RAB3C: variants seen among roughly 807,000 people sequenced by gnomAD.
RAB3C encodes RAB3C, member RAS oncogene family.
In RAB3C, 17 loss-of-function variants were observed where a neutral mutation model predicts 26.4. The observed-to-expected ratio is 0.64, with a 90% CI of 0.44 to 0.97. RAB3C has a LOEUF of 0.97. RAB3C is among the 50% of genes least tolerant of loss of function. RAB3C has a pLI of 0.00. For synonymous variants in RAB3C, 91 were observed against 95.9 expected (o/e 0.95, Z 0.30); for missense variants, 242 against 281.9 (o/e 0.86, Z 1.01).
chr5:58,706,585 TATC>T (rs1356488661), intron 2 of RAB3C, among the ~76,000 whole-genome samples: 1 of 152,172 alleles, frequency 6.6e-6, no homozygotes, highest in East Asian at 1.9e-4. Flanking sequence ...TGCAGTAACT[TATC>T]TACTTATTTG....
At chr5:58,647,220 C>T (rs922178402) in intron 2 of RAB3C, among the ~76,000 whole-genome samples, 2 of 152,210 alleles carry the variant, frequency 1.3e-5, no homozygotes, top group African/African-American at 4.8e-5. Context: ...TAAAGAACTT[C>T]CCAACACTGG....
rs551210744 is a variant in RAB3C at position 58,626,580 on chromosome 5, C to T, written c.252+8710C>T. On this transcript the variant is annotated intron_variant, in intron 2 of 4. Coordinates refer to ENST00000282878, the MANE Select transcript of RAB3C (RefSeq NM_138453.4). ...CTGTAAGATTTGTGGATATTATGAC[C>T]TTGGACAAGTTAATTAACTTCTCCA... Among the ~76,000 whole-genome samples, 27 of 152,234 alleles carry T rather than the reference C, an allele frequency of 1.8e-4. No homozygotes were observed. In the South Asian group the frequency reaches 4.2e-3, roughly 23 times the overall value.
chr5:58,664,637 G>T (rs895130400), intron 2 of RAB3C, among the ~76,000 whole-genome samples: 1 of 152,158 alleles, frequency 6.6e-6, no homozygotes, highest in South Asian at 2.1e-4. Flanking sequence ...GACACTAGGT[G>T]AGGGGTACAC....
chr5:58,841,741 T>A (rs1434526585), intron 4 of RAB3C, among the ~76,000 whole-genome samples: 2 of 152,110 alleles, frequency 1.3e-5, no homozygotes, highest in Non-Finnish European at 2.9e-5. Flanking sequence ...GGAAAGTCCT[T>A]CCTAACTCCA....
At chr5:58,812,901 G>A (rs146357885) in intron 3 of RAB3C, among the ~76,000 whole-genome samples, 17 of 152,286 alleles carry the variant, frequency 1.1e-4, no homozygotes, top group African/African-American at 4.1e-4. Context: ...GCAGGAAAAT[G>A]TATAGGTTTC....
At chr5:58,650,389 G>T (rs563021535) in intron 2 of RAB3C, among the ~76,000 whole-genome samples, 1 of 152,076 alleles carries the variant, frequency 6.6e-6, no homozygotes, top group Non-Finnish European at 1.5e-5. Context: ...GAGAGAGAAG[G>T]CTAGCATACA....
At chr5:58,761,317 C>A (rs901111096) in intron 3 of RAB3C, among the ~76,000 whole-genome samples, 5 of 152,080 alleles carry the variant, frequency 3.3e-5, no homozygotes, top group Non-Finnish European at 7.4e-5. Context: ...CTATTAATGA[C>A]TTTTTACCTG....
chr5:58,600,758 G>A (rs1439836660), intron 1 of RAB3C, among the ~76,000 whole-genome samples: 2 of 151,918 alleles, frequency 1.3e-5, no homozygotes, highest in African/African-American at 4.8e-5. Flanking sequence ...GAGTCTTTAG[G>A]GTTTTCAAGG....
intron 3 of RAB3C, among the ~76,000 whole-genome samples, chr5:58,811,805 G>A (rs1249765927): frequency 1.3e-5 from 2 of 149,588 alleles, no homozygotes; most frequent in Admixed American, 1.3e-4. Flanking sequence ...TCCCTCCACT[G>A]CACCACAGGT....
chr5:58,818,637 C>T (rs1455675198), intron 3 of RAB3C, among the ~76,000 whole-genome samples: 1 of 152,170 alleles, frequency 6.6e-6, no homozygotes, highest in Admixed American at 6.5e-5. Context: ...CTTCTGATTC[C>T]ATTAATCTTG....
intron 3 of RAB3C, among the ~76,000 whole-genome samples, chr5:58,743,012 A>C (rs1260864236): frequency 1.3e-5 from 2 of 152,270 alleles, no homozygotes; most frequent in East Asian, 1.9e-4. Context: ...TGAGAAGGAA[A>C]AGTGGCACCA....
chr5:58,703,158 A>T (rs890154763), intron 2 of RAB3C, among the ~76,000 whole-genome samples: 3 of 152,098 alleles, frequency 2.0e-5, no homozygotes, highest in Non-Finnish European at 4.4e-5. Context: ...CTCCTGATGA[A>T]TAAGATCTTG....
At chr5:58,828,667 A>T (rs1370868149) in intron 4 of RAB3C, among the ~76,000 whole-genome samples, 2 of 152,204 alleles carry the variant, frequency 1.3e-5, no homozygotes, top group Admixed American at 1.3e-4. Flanking sequence ...TCTGCAGCTG[A>T]ATTGGCTGGG....
chr5:58,598,206 C>T (rs13187148), intron 1 of RAB3C, among the ~76,000 whole-genome samples: 393 of 21,934 alleles, frequency 0.018, 102 homozygotes, highest in Non-Finnish European at 0.027. Context: ...TATAAGTATA[C>T]GATAACATGT....
chr5:58,805,403 G>A (rs1190396634), intron 3 of RAB3C, among the ~76,000 whole-genome samples: 3 of 152,016 alleles, frequency 2.0e-5, no homozygotes, highest in African/African-American at 7.3e-5. Flanking sequence ...TGGCCAACAT[G>A]ATGAAACCTC....
chr5:58,845,926 A>C (rs1400318706), intron 4 of RAB3C, among the ~76,000 whole-genome samples: 1 of 151,752 alleles, frequency 6.6e-6, no homozygotes, highest in Non-Finnish European at 1.5e-5. Flanking sequence ...AGATTTACCT[A>C]TTCTGGGCAT....
At chr5:58,692,835 C>T (rs532898965) in intron 2 of RAB3C, among the ~76,000 whole-genome samples, 22 of 152,088 alleles carry the variant, frequency 1.4e-4, no homozygotes, top group South Asian at 8.3e-4. Context: ...TGGCTGGGCA[C>T]GGTGGCTCAC....
chr5:58,807,740 T>C (rs575838495), intron 3 of RAB3C, among the ~76,000 whole-genome samples: 86 of 152,084 alleles, frequency 5.7e-4, no homozygotes, highest in African/African-American at 1.8e-3. Flanking sequence ...TACCATCACA[T>C]TGGGTATTAT....
At chr5:58,754,838 C>G (rs373292377) in intron 3 of RAB3C, among the ~76,000 whole-genome samples, 1 of 152,102 alleles carries the variant, frequency 6.6e-6, no homozygotes, top group Non-Finnish European at 1.5e-5. Flanking sequence ...ACCACCTCCA[C>G]GGCTTCAGCA....
Sources: allele counts gnomAD v4.1 joint callset (sites outside exome capture counted in the v4.1 genomes callset), GRCh38; gene constraint gnomAD v4.1.1; transcripts MANE v1.5; gene names NCBI Gene and HGNC (gene_info 2026-07-23, HGNC 2026-07-21).